Variants in RARB observed in about 807,000 individuals in gnomAD.
RARB encodes retinoic acid receptor beta, also known as HBV-activated protein.
RARB carries 17 observed loss-of-function variants against 51.9 expected under a neutral mutation model. The ratio of observed to expected loss-of-function variants is 0.33; its 90% CI spans 0.22 to 0.49. The LOEUF (loss-of-function observed/expected upper bound fraction) is 0.49, where lower values mean the gene tolerates loss of function less well. RARB is among the 20% of genes least tolerant of loss of function. RARB has a pLI of 0.99. For missense variants in RARB, 369 were observed against 550.8 expected (o/e 0.67, Z 3.30); for synonymous variants, 215 against 195.4 (o/e 1.10, Z -0.84).
At chr3:25,378,672 T>C (rs1339647182) in intron 5 of RARB, among the ~76,000 whole-genome samples, 1 of 152,138 alleles carries the variant, frequency 6.6e-6, no homozygotes, top group Non-Finnish European at 1.5e-5. Context: ...ACTACACCAA[T>C]TTATCCGTCT....
At chr3:25,237,272 T>C (rs1312926623) in intron 5 of RARB, among the ~76,000 whole-genome samples, 3 of 152,148 alleles carry the variant, frequency 2.0e-5, no homozygotes, top group South Asian at 4.1e-4. Context: ...TGGCATTTAT[T>C]AGACAACCCC....
At chr3:25,120,625 A>C (rs1699769331) in intron 3 of RARB, among the ~76,000 whole-genome samples, 1 of 150,968 alleles carries the variant, frequency 6.6e-6, no homozygotes, top group African/African-American at 2.4e-5. Context: ...ACTGGAGGTA[A>C]GTTATATATT....
chr3:25,121,147 A>C (rs2125329291), intron 3 of RARB, among the ~76,000 whole-genome samples: 1 of 152,306 alleles, frequency 6.6e-6, no homozygotes, highest in Middle Eastern at 3.4e-3. Flanking sequence ...CCAGTGAGGA[A>C]GGCTATACTG....
chr3:25,158,762 A>G (rs1288560503), intron 4 of RARB, among the ~76,000 whole-genome samples: 1 of 152,206 alleles, frequency 6.6e-6, no homozygotes, highest in Non-Finnish European at 1.5e-5. Context: ...CACTAATGTC[A>G]TCATCCAGTG....
At chr3:25,084,125 A>C (rs1014494313) in intron 3 of RARB, among the ~76,000 whole-genome samples, 1 of 152,106 alleles carries the variant, frequency 6.6e-6, no homozygotes, top group Non-Finnish European at 1.5e-5. Context: ...CTTCTTCCCT[A>C]TTTGGTACCC....
chr3:24,888,912 A>G (rs1471169610), intron 2 of RARB, among the ~76,000 whole-genome samples: 1 of 152,188 alleles, frequency 6.6e-6, no homozygotes, highest in Non-Finnish European at 1.5e-5. Context: ...AGTTCACTTT[A>G]CTTTATAACT....
intron 4 of RARB, among the ~76,000 whole-genome samples, chr3:25,151,981 T>C (rs1246208672): frequency 6.6e-6 from 1 of 152,198 alleles, no homozygotes; most frequent in Non-Finnish European, 1.5e-5. Flanking sequence ...GAAAATGACA[T>C]TCTTCTTCCC....
At chr3:25,170,561 A>G (rs1700627267) in intron 4 of RARB, among the ~76,000 whole-genome samples, 1 of 152,172 alleles carries the variant, frequency 6.6e-6, no homozygotes. Flanking sequence ...GACTTTTAAA[A>G]ATCGTGTTGT....
chr3:24,898,710 C>A (rs1345664998), intron 2 of RARB, among the ~76,000 whole-genome samples: 1 of 152,178 alleles, frequency 6.6e-6, no homozygotes, highest in Non-Finnish European at 1.5e-5. Flanking sequence ...ATTCCCCCTT[C>A]CCCTATAGCG....
intron 3 of RARB, among the ~76,000 whole-genome samples, chr3:25,508,708 T>C (rs1490143221): frequency 6.6e-6 from 1 of 152,142 alleles, no homozygotes; most frequent in Non-Finnish European, 1.5e-5. Context: ...GAAACTACCA[T>C]TAACCCCCAC....
At chr3:25,415,483 A>T (rs892277748) in intron 5 of RARB, among the ~76,000 whole-genome samples, 1 of 152,102 alleles carries the variant, frequency 6.6e-6, no homozygotes, top group African/African-American at 2.4e-5. Flanking sequence ...TCCTGGTATA[A>T]ATCCTTTATT....
intron 5 of RARB, among the ~76,000 whole-genome samples, chr3:25,259,479 T>G (rs1416151968): frequency 6.6e-6 from 1 of 152,148 alleles, no homozygotes; most frequent in Non-Finnish European, 1.5e-5. Flanking sequence ...CCCTTTATAC[T>G]AGCTGGATGT....
chr3:25,372,862 T>A (rs75363640), intron 5 of RARB, among the ~76,000 whole-genome samples: 5,748 of 152,094 alleles, frequency 0.038, 144 homozygotes, highest in Middle Eastern at 0.075. Context: ...ACTTAAAAAA[T>A]TTTTTTTAAA....
chr3:25,474,175 A>G (rs763065675), intron 2 of RARB, among the ~76,000 whole-genome samples: 1 of 152,138 alleles, frequency 6.6e-6, no homozygotes. Context: ...ACACAACACC[A>G]CCATTCATAC....
intron 5 of RARB, among the ~76,000 whole-genome samples, chr3:25,213,362 T>C (rs1239213409): frequency 6.6e-6 from 1 of 152,196 alleles, no homozygotes. Flanking sequence ...TTTTATGTTT[T>C]TGGGATTTAT....
intron 2 of RARB, among the ~76,000 whole-genome samples, chr3:24,915,426 A>G (rs1049846023): frequency 1.3e-5 from 2 of 152,102 alleles, no homozygotes; most frequent in South Asian, 2.1e-4. Context: ...CACTTACAGT[A>G]TATCTCAATT....
intron 3 of RARB, among the ~76,000 whole-genome samples, chr3:25,522,175 G>T (rs1698429205): frequency 6.6e-6 from 1 of 151,962 alleles, no homozygotes. Flanking sequence ...ACCGGTATTT[G>T]TGATATGGAA....
chr3:25,135,326 C>T (rs188851214), intron 4 of RARB, among the ~76,000 whole-genome samples: 30 of 151,868 alleles, frequency 2.0e-4, no homozygotes, highest in African/African-American at 7.2e-4. Flanking sequence ...TAGTGACTAC[C>T]ATATCGGATG....
At chr3:25,221,319 T>A (rs1701943512) in intron 5 of RARB, among the ~76,000 whole-genome samples, 1 of 150,864 alleles carries the variant, frequency 6.6e-6, no homozygotes, top group Non-Finnish European at 1.5e-5. Flanking sequence ...CGCTATGTGC[T>A]AAGTTAGTTC....
Sources: gnomAD v4.1 joint callset for allele counts (sites outside exome capture counted in the v4.1 genomes callset) on GRCh38, gnomAD v4.1.1 for gene constraint, MANE v1.5 for transcripts, NCBI Gene and HGNC (gene_info 2026-07-23, HGNC 2026-07-21) for gene names.